Variants in CHSY3 observed in about 807,000 individuals in gnomAD.
CHSY3 encodes the protein N-acetylgalactosaminyl-proteoglycan 3-beta-glucuronosyltransferase 3.
CHSY3 carries 35 observed loss-of-function variants against 67.2 expected under a neutral mutation model. The observed-to-expected ratio is 0.52, with a 90% CI of 0.40 to 0.69. The LOEUF (loss-of-function observed/expected upper bound fraction) is 0.69. CHSY3 is among the 30% of genes least tolerant of loss of function. CHSY3 has a pLI of 0.00. For missense variants in CHSY3, 1,069 were observed against 1,138.5 expected (o/e 0.94, Z 0.88); for synonymous variants, 474 against 434.7 (o/e 1.09, Z -1.12).
intron 2 of CHSY3, among the ~76,000 whole-genome samples, chr5:130,130,952 C>T (rs546729881): frequency 1.1e-4 from 17 of 152,244 alleles, no homozygotes; most frequent in African/African-American, 3.8e-4. Context: ...CCTCAGGATT[C>T]CCTGATCCAT....
Position 130,128,306 on chromosome 5 carries a change from A to G in CHSY3, c.1087-55923A>G, listed in dbSNP as rs369910892. Among the ~76,000 whole-genome samples the G allele has an allele frequency of 1.1e-4, 17 of 151,582 alleles. 1 individual carries two copies. The highest frequency in any genetic ancestry group is 6.6e-4 in the Admixed American group (10 of 15,188). On this transcript the variant is annotated intron_variant, in intron 2 of 2. Coordinates refer to ENST00000305031, the MANE Select transcript of CHSY3 (RefSeq NM_175856.5). ...TACGCATATATACATGTTATGATGTATGTGTGTATGTGTAAATAATGAATA... is the reference window on the plus strand; with the variant it reads ...TACGCATATATACATGTTATGATGTGTGTGTGTATGTGTAAATAATGAATA...
At chr5:130,165,809 G>A (rs2149730382) in intron 2 of CHSY3, among the ~76,000 whole-genome samples, 1 of 152,044 alleles carries the variant, frequency 6.6e-6, no homozygotes, top group South Asian at 2.1e-4. Context: ...AATGGCTAAG[G>A]GCCCTATAAA....
intron 2 of CHSY3, among the ~76,000 whole-genome samples, chr5:130,089,638 A>C (rs532386447): frequency 6.6e-6 from 1 of 152,250 alleles, no homozygotes; most frequent in East Asian, 1.9e-4. Flanking sequence ...AGGACTAGGC[A>C]TTGCCTGAGA....
At chr5:130,144,535 T>C (rs1400605913) in intron 2 of CHSY3, among the ~76,000 whole-genome samples, 2 of 152,176 alleles carry the variant, frequency 1.3e-5, no homozygotes. Flanking sequence ...AAACCCCATG[T>C]TCATAGGTTG....
At chr5:130,061,333 TG>T (rs1714889057) in intron 2 of CHSY3, among the ~76,000 whole-genome samples, 1 of 152,154 alleles carries the variant, frequency 6.6e-6, no homozygotes, top group African/African-American at 2.4e-5. Context: ...ATTCAATAAA[TG>T]GTGCTAGAAA....
At chr5:129,907,115 T>G (rs1173029217) in intron 1 of CHSY3, among the ~76,000 whole-genome samples, 3 of 152,208 alleles carry the variant, frequency 2.0e-5, no homozygotes, top group Non-Finnish European at 4.4e-5. Flanking sequence ...AAAGGTTTCC[T>G]GGCAGAAGTT....
intron 2 of CHSY3, among the ~76,000 whole-genome samples, chr5:130,146,284 A>G (rs1769071946): frequency 6.6e-6 from 1 of 152,152 alleles, no homozygotes; most frequent in African/African-American, 2.4e-5. Context: ...AAAGAATGAA[A>G]TCCTTCATTT....
At chr5:130,156,147 C>G (rs1769370214) in intron 2 of CHSY3, among the ~76,000 whole-genome samples, 2 of 152,142 alleles carry the variant, frequency 1.3e-5, no homozygotes, top group South Asian at 4.1e-4. Context: ...ACTTGTTTTT[C>G]TGACAGTCAC....
intron 2 of CHSY3, among the ~76,000 whole-genome samples, chr5:129,959,621 C>T (rs994829508): frequency 1.3e-5 from 2 of 151,726 alleles, no homozygotes; most frequent in African/African-American, 2.4e-5. Context: ...TATTGTTATT[C>T]AGTTTGAATA....
intron 2 of CHSY3, among the ~76,000 whole-genome samples, chr5:130,099,127 G>A (rs1174826400): frequency 6.6e-6 from 1 of 152,164 alleles, no homozygotes; most frequent in Non-Finnish European, 1.5e-5. Flanking sequence ...TCATGCAGCT[G>A]TATACATCTA....
chr5:129,908,736 T>TTTTTA (rs934233479), intron 2 of CHSY3, among the ~76,000 whole-genome samples: 10 of 152,308 alleles, frequency 6.6e-5, no homozygotes, highest in South Asian at 4.1e-4. Flanking sequence ...GTACTGTGCC[T>TTTTTA]TTTTATTTTA....
chr5:129,935,312 CGT>C (rs1347541598), intron 2 of CHSY3, among the ~76,000 whole-genome samples: 1 of 152,068 alleles, frequency 6.6e-6, no homozygotes, highest in Non-Finnish European at 1.5e-5. Flanking sequence ...AGATCAAAGA[CGT>C]TTTTTGTTTA....
intron 2 of CHSY3, among the ~76,000 whole-genome samples, chr5:129,932,842 C>A (rs1761361361): frequency 6.6e-6 from 1 of 151,680 alleles, no homozygotes; most frequent in Non-Finnish European, 1.5e-5. Context: ...AACATTTTAA[C>A]CAATAAGATT....
chr5:129,939,096 C>T (rs1761611876), intron 2 of CHSY3, among the ~76,000 whole-genome samples: 1 of 152,196 alleles, frequency 6.6e-6, no homozygotes, highest in Non-Finnish European at 1.5e-5. Flanking sequence ...AACTTACAAT[C>T]ATGCCAGAAG....
intron 2 of CHSY3, among the ~76,000 whole-genome samples, chr5:130,071,890 C>T (rs1766084445): frequency 6.6e-6 from 1 of 151,954 alleles, no homozygotes; most frequent in South Asian, 2.1e-4. Context: ...AGTAGCCATT[C>T]TAGTAGGTGT....
At chr5:129,970,015 C>G (rs895005633) in intron 2 of CHSY3, among the ~76,000 whole-genome samples, 1 of 151,648 alleles carries the variant, frequency 6.6e-6, no homozygotes, top group Non-Finnish European at 1.5e-5. Flanking sequence ...ACATGCTGTC[C>G]CTGCTTATAG....
At chr5:130,120,483 A>G (rs1184347727) in intron 2 of CHSY3, among the ~76,000 whole-genome samples, 2 of 102,426 alleles carry the variant, frequency 2.0e-5, no homozygotes, top group Non-Finnish European at 3.6e-5. Flanking sequence ...CCAATTTCTG[A>G]AAGAAAAAAA....
In CHSY3 at chr5:130,184,859, A is replaced by G. The variant is rs1189426907; in HGVS notation, c.1717A>G (p.Arg573Gly). 1.2e-6 allele frequency: 2 copies of G among 1,600,246 alleles called. No individual in the cohort carries two copies. Among genetic ancestry groups the G allele is most frequent in the African/African-American group, 1.3e-5 (1 of 74,644 alleles). Residue 573 changes from arginine to glycine, a missense_variant, in exon 3 of 3, where the codon AGA (arginine) becomes GGA (glycine). By Grantham distance (125) the Arg-to-Gly change is moderately radical (BLOSUM62 -2). Around this residue, in one of 5 missense-constraint regions of CHSY3, gnomAD observed 401 missense variants for 395.2 expected, o/e 1.01. Coordinates refer to ENST00000305031, the MANE Select transcript of CHSY3 (RefSeq NM_175856.5). ...GCAGTTGTTCAGCAAGCCTTTCTTC[A>G]GAGAGACCGAAGAGCTAGATGTCAA... is the stretch of plus-strand genomic sequence containing the variant. Reference protein sequence around the residue: ...LQQLFSKPFFRETEELDVNSL... With the variant: ...LQQLFSKPFFGETEELDVNSL...
intron 2 of CHSY3, among the ~76,000 whole-genome samples, chr5:129,919,778 C>G (rs1760857508): frequency 6.6e-6 from 1 of 152,126 alleles, no homozygotes; most frequent in Admixed American, 6.5e-5. Context: ...GTCAATGACA[C>G]TGATTTGTAT....
Sources: allele counts gnomAD v4.1 joint callset (sites outside exome capture counted in the v4.1 genomes callset), GRCh38; gene constraint gnomAD v4.1.1; regional missense constraint gnomAD v4.1.1; transcripts MANE v1.5; gene names NCBI Gene and HGNC (gene_info 2026-07-23, HGNC 2026-07-21).